Variants in DLGAP2 observed in about 807,000 individuals in gnomAD.
The protein encoded by DLGAP2 is DLG associated protein 2, also known as disks large-associated protein 2.
In DLGAP2, 26 loss-of-function variants were observed where a neutral mutation model predicts 100.3. The ratio of observed to expected loss-of-function variants is 0.26; its 90% confidence interval spans 0.19 to 0.36. The LOEUF (loss-of-function observed/expected upper bound fraction) is 0.36, where lower values mean the gene tolerates loss of function less well. Ranked by LOEUF, DLGAP2 falls within the 10% of genes least tolerant of loss-of-function variation. The probability of loss-of-function intolerance (pLI) is 1.00; values close to 1 mark genes in which losing one functional copy is unlikely to be tolerated. For missense variants in DLGAP2, 1,858 were observed against 1,453.2 expected (o/e 1.28, Z -4.53); for synonymous variants, 886 against 630.1 (o/e 1.41, Z -6.08).
chr8:1,347,442 G>A (rs994966363), intron 3 of DLGAP2, among the ~76,000 whole-genome samples: 3 of 151,944 alleles, frequency 2.0e-5, no homozygotes, highest in Non-Finnish European at 4.4e-5. Context: ...TGGCAACTAT[G>A]TGGAAGTTGA....
rs140380464 is a variant in DLGAP2, at chr8:1,224,457, C to A, written c.74-34394C>A. Among the ~76,000 whole-genome samples, 12 of 152,220 alleles carry A rather than the reference C, an allele frequency of 7.9e-5. No homozygotes were observed. In the South Asian group the frequency reaches 2.5e-3, roughly 32 times the overall value. The stretch of plus-strand genomic sequence containing the variant: ...ACAAGTTCATTTTTAAAGGTACTTT[C>A]ACATTCAGGTGTTTATTTCATCTCA... On this transcript the variant is annotated intron_variant, in intron 2 of 14. Transcript: ENST00000637795.
chr8:1,707,059 T>G lies in DLGAP2; in HGVS notation c.*5653T>G, dbSNP rs1338325628. ...GATGACTTCTTTGCAGAAGAAATGT[T>G]CGTTACCTACTATCAAACTACTTTT... is the stretch of plus-strand genomic sequence containing the variant. On this transcript the variant is annotated 3_prime_UTR_variant, in exon 15 of 15. Coordinates refer to ENST00000637795, the MANE Select transcript of DLGAP2 (RefSeq NM_001346810.2). 2 of 152,694 alleles carry G rather than the reference T, an allele frequency of 1.3e-5. No homozygotes were observed. Among genetic ancestry groups the G allele is most frequent in the Non-Finnish European group, 2.9e-5 (2 of 68,056 alleles). The allele number at this position is 152,694 out of a possible 1,614,324, so 9.5% of individuals were successfully genotyped here. A position where few individuals can be genotyped will look rare whatever the true frequency, so the allele number is the denominator to read the frequency against.
intron 1 of DLGAP2, among the ~76,000 whole-genome samples, chr8:862,405 C>A (rs1254587199): frequency 6.6e-6 from 1 of 151,926 alleles, no homozygotes; most frequent in Non-Finnish European, 1.5e-5. Context: ...CGGGTTCATG[C>A]CATTCTCCTG....
intron 1 of DLGAP2, among the ~76,000 whole-genome samples, chr8:851,501 T>C (rs1797182211): frequency 6.6e-6 from 1 of 152,234 alleles, no homozygotes; most frequent in Non-Finnish European, 1.5e-5. Context: ...TATGTTAGTA[T>C]ATTATGATGA....
chr8:1,487,109 C>A (rs985339884), intron 3 of DLGAP2, among the ~76,000 whole-genome samples: 8 of 152,176 alleles, frequency 5.3e-5, no homozygotes, highest in Admixed American at 3.9e-4. Context: ...GTGCTAAAAC[C>A]TTGTACTTAT....
At chr8:1,364,504 G>GGGGC (rs1563107101) in intron 3 of DLGAP2, among the ~76,000 whole-genome samples, 1 of 150,356 alleles carries the variant, frequency 6.7e-6, no homozygotes, top group African/African-American at 2.5e-5. Context: ...GGGAAGGGCG[G>GGGGC]GGGGGGTGCA....
In DLGAP2 at chr8:1,706,904, G is replaced by A. The variant is rs978419409; in HGVS notation, c.*5498G>A. The A allele has an allele frequency of 1.3e-5, 2 of 152,172 alleles. No individual in the cohort carries two copies. The highest frequency in any genetic ancestry group is 2.1e-4 in the South Asian group (1 of 4,832). 9.4% of individuals were successfully genotyped at this position (152,172 alleles called of 1,614,324 possible). A position where few individuals can be genotyped will look rare whatever the true frequency, so the allele number is the denominator to read the frequency against. ...CAGAGGTGGTCCGTGGGAAAGCTCC[G>A]GGAAACAGCCGTCTTTCATCCTTGC... On this transcript the variant is annotated 3_prime_UTR_variant, in exon 15 of 15. Transcript: ENST00000637795.
chr8:979,774 G>A (rs538373359), intron 2 of DLGAP2, among the ~76,000 whole-genome samples: 40 of 152,320 alleles, frequency 2.6e-4, no homozygotes, highest in Admixed American at 1.9e-3. Flanking sequence ...GGAAGGATTA[G>A]GATATTTTGA....
chr8:785,982 A>G (rs531557283), intron 1 of DLGAP2, among the ~76,000 whole-genome samples: 1 of 152,202 alleles, frequency 6.6e-6, no homozygotes, highest in Non-Finnish European at 1.5e-5. Context: ...TACCCCGTGG[A>G]GGTGTGATGT....
chr8:1,620,117 A>G (rs1009776875), intron 6 of DLGAP2, among the ~76,000 whole-genome samples: 12 of 152,198 alleles, frequency 7.9e-5, no homozygotes, highest in African/African-American at 2.9e-4. Flanking sequence ...CAAGTTGTTC[A>G]AAAGTTCCAC....
At chr8:1,579,869 C>T (rs975776503) in intron 6 of DLGAP2, among the ~76,000 whole-genome samples, 1 of 151,818 alleles carries the variant, frequency 6.6e-6, no homozygotes, top group Admixed American at 6.5e-5. Context: ...GAAGCCCCCA[C>T]CATGCGCTGC....
intron 3 of DLGAP2, among the ~76,000 whole-genome samples, chr8:1,425,452 G>T (rs1481698955): frequency 6.6e-6 from 1 of 152,182 alleles, no homozygotes; most frequent in Non-Finnish European, 1.5e-5. Context: ...CCTGGTACCT[G>T]TTTAAGAAAG....
chr8:935,586 C>T (rs919812285), intron 2 of DLGAP2, among the ~76,000 whole-genome samples: 4 of 152,182 alleles, frequency 2.6e-5, no homozygotes, highest in East Asian at 1.9e-4. Flanking sequence ...TTCTCTTGGA[C>T]GGTGTGGCTC....
chr8:1,672,490 A>C (rs1051422096), intron 10 of DLGAP2, among the ~76,000 whole-genome samples: 1 of 152,120 alleles, frequency 6.6e-6, no homozygotes, highest in Admixed American at 6.5e-5. Flanking sequence ...AGCCTCCCCA[A>C]GTGCTGGGAT....
intron 2 of DLGAP2, among the ~76,000 whole-genome samples, chr8:970,824 C>A (rs1189633502): frequency 1.3e-5 from 2 of 152,122 alleles, no homozygotes; most frequent in Admixed American, 1.3e-4. Flanking sequence ...TAATAACACA[C>A]CAAAGAGATG....
chr8:1,030,656 T>C (rs1414275029), intron 2 of DLGAP2, among the ~76,000 whole-genome samples: 1 of 152,210 alleles, frequency 6.6e-6, no homozygotes, highest in African/African-American at 2.4e-5. Flanking sequence ...CTTAGAACAA[T>C]CCGGAATGTG....
intron 2 of DLGAP2, among the ~76,000 whole-genome samples, chr8:1,147,084 T>A (rs538010345): frequency 6.6e-6 from 1 of 152,358 alleles, no homozygotes; most frequent in East Asian, 1.9e-4. Flanking sequence ...TTTGGACATT[T>A]GGCATCCTTA....
At chr8:936,407 C>G (rs543107366) in intron 2 of DLGAP2, among the ~76,000 whole-genome samples, 3 of 152,210 alleles carry the variant, frequency 2.0e-5, no homozygotes, top group Admixed American at 2.0e-4. Context: ...ATTGCCTCCC[C>G]TGGGAGATGG....
chr8:916,216 G>C (rs1798590772), intron 2 of DLGAP2, among the ~76,000 whole-genome samples: 1 of 152,200 alleles, frequency 6.6e-6, no homozygotes, highest in African/African-American at 2.4e-5. Context: ...AGTCTTTCCA[G>C]TGTAAGACAA....
Sources: gnomAD v4.1 joint callset for allele counts (sites outside exome capture counted in the v4.1 genomes callset) on GRCh38, gnomAD v4.1.1 for gene constraint, MANE v1.5 for transcripts, NCBI Gene and HGNC (gene_info 2026-07-23, HGNC 2026-07-21) for gene names.